The following MICAL2 variants were observed in gnomAD, a reference collection of about 807,000 sequenced individuals.
MICAL2 encodes the protein [F-actin]-monooxygenase MICAL2.
In MICAL2, 77 loss-of-function variants were observed where a neutral mutation model predicts 127.3. The observed-to-expected ratio is 0.60, with a 90% CI of 0.50 to 0.73. The LOEUF is 0.73. Among genes scored for constraint, MICAL2 ranks in the 30% least tolerant of loss-of-function variants. MICAL2 has a pLI of 0.00. For missense variants in MICAL2, 1,351 were observed against 1,434.4 expected (o/e 0.94, Z 0.94); for synonymous variants, 570 against 551.1 (o/e 1.03, Z -0.48).
intron 2 of MICAL2, among the ~76,000 whole-genome samples, chr11:12,139,938 T>G (rs1852187634): frequency 6.6e-6 from 1 of 152,216 alleles, no homozygotes; most frequent in East Asian, 1.9e-4. Context: ...GGGTCCCTCC[T>G]GGCTCATCCA....
chr11:12,353,198 C>T (rs934310275), intron 33 of MICAL2, among the ~76,000 whole-genome samples: 3 of 152,184 alleles, frequency 2.0e-5, no homozygotes, highest in East Asian at 3.9e-4. Context: ...ATGTGTGATA[C>T]ACATGCAGAT....
At chr11:12,339,283 C>A (rs534631188) in intron 32 of MICAL2, among the ~76,000 whole-genome samples, 2 of 152,146 alleles carry the variant, frequency 1.3e-5, no homozygotes, top group African/African-American at 4.8e-5. Context: ...GTTCTCGTGC[C>A]GTGGTTTTCA....
At chr11:12,307,923 C>T (rs1276527541) in intron 29 of MICAL2, among the ~76,000 whole-genome samples, 1 of 152,178 alleles carries the variant, frequency 6.6e-6, no homozygotes, top group Non-Finnish European at 1.5e-5. Flanking sequence ...CACTCTGTTG[C>T]CCAAGCTGGA....
chr11:12,271,089 C>T (rs1477855380), upstream of MICAL2, among the ~76,000 whole-genome samples: 23 of 152,150 alleles, frequency 1.5e-4, no homozygotes, highest in Admixed American at 1.3e-4. Context: ...GCCTTGGACC[C>T]GGCACTTAGG....
intron 2 of MICAL2, among the ~76,000 whole-genome samples, chr11:12,154,834 T>C (rs1178240362): frequency 6.6e-6 from 1 of 152,218 alleles, no homozygotes; most frequent in African/African-American, 2.4e-5. Context: ...TGATTTAATT[T>C]ACATAGCAGC....
chr11:12,249,780 G>A (rs575360735), intron 22 of MICAL2, among the ~76,000 whole-genome samples: 2 of 152,260 alleles, frequency 1.3e-5, no homozygotes, highest in East Asian at 3.8e-4. Context: ...GTGTAGCCGG[G>A]ACACCTGGTA....
intron 2 of MICAL2, among the ~76,000 whole-genome samples, chr11:12,159,696 G>C (rs574799553): frequency 6.6e-6 from 1 of 152,332 alleles, no homozygotes; most frequent in South Asian, 2.1e-4. Flanking sequence ...TTTGTTCAAT[G>C]CTGGGCACAG....
intron 8 of MICAL2, among the ~76,000 whole-genome samples, chr11:12,218,393 A>G (rs1274720165): frequency 2.0e-5 from 3 of 152,082 alleles, no homozygotes; most frequent in Non-Finnish European, 4.4e-5. Flanking sequence ...TCCAGCCACT[A>G]AGAGACTCCA....
At position 12,242,407 on chromosome 11, in the gene MICAL2, A is replaced by G. The variant is rs758394455; in HGVS notation, c.2531A>G (p.Gln844Arg). ...CTTTCCGGGGTGCTGTGGCGGCTGC[A>G]GCAAGTGGAGGAAAAGATTCTCCAG... ...QALSGVLWRL[Q>R]QVEEKILQKR... is the part of the protein sequence containing the mutation. Residue 844 changes from glutamine (Q) to arginine (R), a missense_variant, in exon 19 of 28, where the codon CAG (glutamine) becomes CGG (arginine). Coordinates refer to ENST00000683283, the MANE Select transcript of MICAL2 (RefSeq NM_001282663.2). The G allele has an allele frequency of 7.5e-6, 12 of 1,608,496 alleles. No homozygotes were observed. In the East Asian group the frequency reaches 2.7e-4, roughly 36 times the overall value.
At position 12,259,805 on chromosome 11, in the gene MICAL2, C is replaced by T. The variant is rs778101897; in HGVS notation, c.3242C>T (p.Thr1081Ile). Reference sequence around the variant, plus strand: ...CCATCTCTTTCTCAGGAGGAGGCAACATGGCAAGAGCAGGAAGCCCCTCGG... The same window carrying T: ...CCATCTCTTTCTCAGGAGGAGGCAATATGGCAAGAGCAGGAAGCCCCTCGG... The part of the protein sequence containing the change: ...ELKQQREEEA[T>I]WQEQEAPRRD... The change falls in exon 26 of 28, where the codon ACA becomes ATA. Residue 1081 changes from threonine (T) to isoleucine (I), a missense_variant. This residue lies in a region of MICAL2 where 752 missense variants were observed against 719.4 expected (regional missense o/e 1.05). Transcript: ENST00000683283. The T allele has an allele frequency of 6.5e-7, 1 of 1,545,110 alleles. No homozygotes were observed. The highest frequency in any genetic ancestry group is 8.7e-7 in the Non-Finnish European group (1 of 1,143,624).
chr11:12,356,578 G>A (rs28537165), intron 34 of MICAL2, among the ~76,000 whole-genome samples: 3,008 of 152,280 alleles, frequency 0.02, 93 homozygotes, highest in African/African-American at 0.069. Flanking sequence ...TGAGGTGTGT[G>A]CTGGTCTCAT....
intron 4 of MICAL2, among the ~76,000 whole-genome samples, chr11:12,205,418 A>C (rs1358076320): frequency 6.6e-6 from 1 of 152,156 alleles, no homozygotes; most frequent in South Asian, 2.1e-4. Context: ...CCTATATAGA[A>C]AGCTGACTTT....
At chr11:12,294,234 C>G, downstream of MICAL2, 1 of 1,614,122 alleles carries the variant, frequency 6.2e-7, no homozygotes, top group Non-Finnish European at 8.5e-7. Context: ...CCACCCAAGT[C>G]CCCACTGCGG....
intron 22 of MICAL2, chr11:12,254,810 T>C (rs1445644749): frequency 6.8e-6 from 1 of 146,982 alleles, no homozygotes; most frequent in Non-Finnish European, 1.5e-5. Flanking sequence ...AACAGTCCCA[T>C]GGCCCACCCA....
In MICAL2 at chr11:12,162,320, C is replaced by T. The variant is rs751313490; in HGVS notation, c.165C>T (p.Ser55=). The T allele has an allele frequency of 6.2e-7, 1 of 1,614,216 alleles. No individual in the cohort carries two copies. The highest frequency in any genetic ancestry group is 1.7e-5 in the Admixed American group (1 of 60,034). Residue 55 remains serine (S), a synonymous_variant, in exon 3 of 28, where the codon TCC becomes TCT. Coordinates refer to ENST00000683283, the MANE Select transcript of MICAL2 (RefSeq NM_001282663.2). ...GAAACTTTTATTCCAAGCTCAAGTC[C>T]AAGGTGACCACCTGGAAAGCCAAAG... is the stretch of plus-strand genomic sequence containing the variant. ...DHRNFYSKLK[S]KVTTWKAKAL...
chr11:12,137,228 T>C (rs999696864), intron 1 of MICAL2, among the ~76,000 whole-genome samples: 2 of 152,208 alleles, frequency 1.3e-5, no homozygotes, highest in Non-Finnish European at 2.9e-5. Flanking sequence ...GGGCTGCCGC[T>C]TCTGCCCAGG....
At chr11:12,257,725 T>C (rs904212734) in intron 24 of MICAL2, among the ~76,000 whole-genome samples, 3 of 152,328 alleles carry the variant, frequency 2.0e-5, no homozygotes, top group Non-Finnish European at 2.9e-5. Context: ...AGTTAATTCA[T>C]GTGAAGCTCA....
chr11:12,291,995 C>A (rs146984713), downstream of MICAL2: 1,476 of 945,224 alleles, frequency 1.6e-3, 20 homozygotes, highest in African/African-American at 0.022. Context: ...CTGAGTCCCA[C>A]GCCTTGGGCA....
At chr11:12,280,149 C>T (rs1863756875) in intron 1 of MICAL2, among the ~76,000 whole-genome samples, 1 of 152,184 alleles carries the variant, frequency 6.6e-6, no homozygotes, top group Admixed American at 6.5e-5. Context: ...AAATACCACC[C>T]ACCCCTCACC....
Sources: gnomAD v4.1 joint callset for allele counts (sites outside exome capture counted in the v4.1 genomes callset) on GRCh38, gnomAD v4.1.1 for gene constraint, gnomAD v4.1.1 regional missense constraint, MANE v1.5 for transcripts, NCBI Gene and HGNC (gene_info 2026-07-23, HGNC 2026-07-21) for gene names.